Variants in RICTOR observed in about 807,000 individuals in gnomAD.
The protein encoded by RICTOR is RPTOR independent companion of MTOR complex 2.
Under a neutral mutation model 214.9 loss-of-function variants are expected in RICTOR, and 49 were observed. The ratio of observed to expected loss-of-function variants is 0.23; its 90% confidence interval spans 0.18 to 0.29. The LOEUF is 0.29. RICTOR is among the 10% of genes least tolerant of loss of function. The pLI, the probability that RICTOR is intolerant of heterozygous loss-of-function variation, is 1.00. For missense variants in RICTOR, 1,625 were observed against 2,047.0 expected (o/e 0.79, Z 3.98); for synonymous variants, 717 against 711.3 (o/e 1.01, Z -0.13).
At position 38,941,027 on chromosome 5, in the gene RICTOR, C is replaced by T. The variant is rs1747510638; in HGVS notation, c.*1277G>A. 8.6e-6 allele frequency: 2 copies of T among 232,680 alleles called. No individual in the cohort carries two copies. Among genetic ancestry groups the T allele is most frequent in the African/African-American group, 4.4e-5 (2 of 45,290 alleles). 14.4% of individuals were successfully genotyped at this position (232,680 alleles called of 1,614,324 possible). ...TCAAAAAAGATAATCCTTTCATTTA[C>T]AAGCATTCAAATGATGGCCATGCTA... On this transcript the variant is annotated 3_prime_UTR_variant, in exon 38 of 38. Coordinates refer to ENST00000357387, the MANE Select transcript of RICTOR (RefSeq NM_152756.5).
intron 3 of RICTOR, among the ~76,000 whole-genome samples, chr5:39,019,788 A>T (rs889172771): frequency 6.6e-6 from 1 of 152,168 alleles, no homozygotes; most frequent in African/African-American, 2.4e-5. Flanking sequence ...ATTTTAATGA[A>T]ATACATTTTA....
chr5:39,016,300 AC>A (rs773921735), intron 3 of RICTOR, among the ~76,000 whole-genome samples: 2 of 145,124 alleles, frequency 1.4e-5, no homozygotes, highest in South Asian at 2.5e-4. Flanking sequence ...CAGTGGTACA[AC>A]GGAGAAAAGG....
At chr5:39,015,169 G>C (rs1032766763) in intron 3 of RICTOR, among the ~76,000 whole-genome samples, 7 of 151,984 alleles carry the variant, frequency 4.6e-5, no homozygotes, top group African/African-American at 1.4e-4. Context: ...ACACAGAAGA[G>C]GGTAGCAAAC....
In RICTOR at chr5:39,065,581, G is replaced by A. The variant is rs557960280; in HGVS notation, c.97+8530C>T. On this transcript the variant is annotated intron_variant, in intron 2 of 37. Transcript: ENST00000357387. ...AAGTCCAAAGTCTCATCTGAAACAA[G>A]GCAAGTCCCTTCCACTTATGAGGCT... 1.4e-3 allele frequency among the ~76,000 whole-genome samples: 214 copies of A among 152,252 alleles called. 2 individuals carry two copies. The highest frequency in any genetic ancestry group is 9.5e-3 in the South Asian group (46 of 4,820).
chr5:38,944,511 A>T lies in RICTOR; in HGVS notation c.4848T>A (p.Val1616=). ...TACTCAAATTAATGACTAATCTTAG[A>T]ACTTCTTTGCGAAGGAGTATACGGC... The part of the protein sequence containing the change: ...PMCRILLRKE[V]LRLVINLSSS... Residue 1616 remains valine (V), a synonymous_variant, in exon 36 of 38, where the codon GTT becomes GTA. Coordinates refer to ENST00000357387, the MANE Select transcript of RICTOR (RefSeq NM_152756.5). 6.2e-7 allele frequency: 1 copy of T among 1,612,542 alleles called. No homozygotes were observed. The highest frequency in any genetic ancestry group is 8.5e-7 in the Non-Finnish European group (1 of 1,179,134).
At chr5:38,944,892 G>A (rs1320264966) in intron 35 of RICTOR, 21 bp downstream of exon 35, 1 of 1,607,530 alleles carries the variant, frequency 6.2e-7, no homozygotes, top group Admixed American at 1.7e-5. Flanking sequence ...ATAATGATTG[G>A]ATTTGAATCT....
At chr5:38,986,664 C>T (rs1580002953) in intron 7 of RICTOR, among the ~76,000 whole-genome samples, 1 of 152,154 alleles carries the variant, frequency 6.6e-6, no homozygotes, top group East Asian at 1.9e-4. Flanking sequence ...ACATCATCTG[C>T]AAACAGAGAC....
At position 39,039,067 on chromosome 5, in the gene RICTOR, T is replaced by C. The variant is rs947820042; in HGVS notation, c.98-17931A>G. 1.2e-4 allele frequency among the ~76,000 whole-genome samples: 19 copies of C among 152,230 alleles called. 1 individual carries two copies. The Middle Eastern group carries it at 0.01, about 82-fold the overall frequency. ...CATCATGCTACCTGACTGCAAACTATACTACAAGGCTACAGTAACCAAAAC... is the reference window on the plus strand; with the variant it reads ...CATCATGCTACCTGACTGCAAACTACACTACAAGGCTACAGTAACCAAAAC... On this transcript the variant is annotated intron_variant, in intron 2 of 37. Transcript: ENST00000357387.
chr5:38,958,594 A>C, intron 23 of RICTOR, 73 bp downstream of exon 23: 1 of 1,500,870 alleles, frequency 6.7e-7, no homozygotes, highest in East Asian at 2.3e-5. Flanking sequence ...TGCCTATTAT[A>C]TACTTTTACA....
Position 39,052,100 on chromosome 5 carries a change from G to T in RICTOR, c.97+22011C>A, listed in dbSNP as rs186302149. On this transcript the variant is annotated intron_variant, in intron 2 of 37. Coordinates refer to ENST00000357387, the MANE Select transcript of RICTOR (RefSeq NM_152756.5). Reference sequence around the variant, plus strand: ...GATTGCAAGGGTAAATAGGCCAGGCGTGGTGGCTCACACCTGTAATCCCAG... The same window carrying T: ...GATTGCAAGGGTAAATAGGCCAGGCTTGGTGGCTCACACCTGTAATCCCAG... Among the ~76,000 whole-genome samples the T allele has an allele frequency of 1.0e-3, 155 of 152,172 alleles. 1 individual carries two copies. The Middle Eastern group carries it at 0.01, about 10-fold the overall frequency.
At chr5:39,055,650 T>G (rs1758157964) in intron 2 of RICTOR, among the ~76,000 whole-genome samples, 1 of 152,078 alleles carries the variant, frequency 6.6e-6, no homozygotes, top group Non-Finnish European at 1.5e-5. Flanking sequence ...GGCAGACATG[T>G]GAATAAAATT....
At chr5:38,991,225 G>C (rs958860582) in intron 6 of RICTOR, 150 bp from the exon 7 acceptor site, 1 of 458,130 alleles carries the variant, frequency 2.2e-6, no homozygotes, top group Non-Finnish European at 3.8e-6. Context: ...TATTTCAAAA[G>C]ATTAATATAA....
Position 38,944,953 on chromosome 5 carries a change from T to C in RICTOR, c.4749A>G (p.Glu1583=). Residue 1583 remains glutamate, a synonymous_variant, in exon 35 of 38, where the codon GAA becomes GAG. Transcript: ENST00000357387. ...TGCTTTTGGTGCTGCTAGCTGAGCC[T>C]TCTTGAGACACCCCATCACTGCATC... ...ISGCSDGVSQ[E]GSASSTKSTE... is the part of the protein sequence containing the mutation. 2 of 1,614,090 alleles carry C rather than the reference T, an allele frequency of 1.2e-6. No homozygotes were observed. Among genetic ancestry groups the C allele is most frequent in the Non-Finnish European group, 1.7e-6 (2 of 1,179,978 alleles).
intron 3 of RICTOR, among the ~76,000 whole-genome samples, chr5:39,013,870 G>A (rs1289409349): frequency 6.6e-6 from 1 of 152,072 alleles, no homozygotes; most frequent in African/African-American, 2.4e-5. Context: ...ATATCATGCT[G>A]TCATTTAAAA....
chr5:39,012,574 T>A (rs1369447936), intron 3 of RICTOR, among the ~76,000 whole-genome samples: 1 of 152,200 alleles, frequency 6.6e-6, no homozygotes, highest in Non-Finnish European at 1.5e-5. Context: ...AACAATTAGG[T>A]AGCAGTTTCG....
intron 26 of RICTOR, 188 bp from the exon 27 acceptor site, chr5:38,955,049 T>C (rs1256707428): frequency 9.0e-6 from 4 of 445,948 alleles, no homozygotes; most frequent in Non-Finnish European, 1.6e-5. Context: ...TAATCCAAAA[T>C]GATCCAAAAT....
intron 2 of RICTOR, 77 bp downstream of exon 2, chr5:39,074,034 T>A: frequency 1.9e-6 from 2 of 1,061,566 alleles, no homozygotes; most frequent in Non-Finnish European, 2.5e-6. Context: ...GGCCCGCCCC[T>A]GCCTCTGGCC....
rs1185298116 is a variant in RICTOR at position 38,950,398 on chromosome 5, T to A, written c.3450A>T (p.Ile1150=). The change falls in exon 31 of 38, where the codon ATA becomes ATT. Residue 1150 remains isoleucine (I), a synonymous_variant. Coordinates refer to ENST00000357387, the MANE Select transcript of RICTOR (RefSeq NM_152756.5). ...ATTGTAATGTTTTCTGTACAGTGGA[T>A]ATGGGTGTAAAATCATCACTATGAT... ...DFNHSDDFTP[I]STVQKTLQLE... The A allele has an allele frequency of 1.2e-6, 2 of 1,613,258 alleles. No homozygotes were observed. The highest frequency in any genetic ancestry group is 3.3e-5 in the Admixed American group (2 of 59,936).
intron 5 of RICTOR, among the ~76,000 whole-genome samples, chr5:38,999,584 GA>G (rs1414771209): frequency 6.6e-6 from 1 of 151,842 alleles, no homozygotes; most frequent in African/African-American, 2.4e-5. Flanking sequence ...GCCAAGACAC[GA>G]AAAGAGGAAA....
Sources: allele counts gnomAD v4.1 joint callset (sites outside exome capture counted in the v4.1 genomes callset), GRCh38; gene constraint gnomAD v4.1.1; transcripts MANE v1.5; gene names NCBI Gene and HGNC (gene_info 2026-07-23, HGNC 2026-07-21).